The following PCDH9 variants were observed in gnomAD, a reference collection of about 807,000 sequenced individuals.
The protein encoded by PCDH9 is protocadherin 9, also known as protocadherin-9.
Under a neutral mutation model 70.6 loss-of-function variants are expected in PCDH9, and 24 were observed. That is an observed-to-expected ratio of 0.34 (90% CI 0.25 to 0.48). The LOEUF (loss-of-function observed/expected upper bound fraction) is 0.48, where lower values mean the gene tolerates loss of function less well. PCDH9 is among the 20% of genes least tolerant of loss of function. The probability of loss-of-function intolerance (pLI) is 0.99; values close to 1 mark genes in which losing one functional copy is unlikely to be tolerated. For missense variants in PCDH9, 1,281 were observed against 1,503.6 expected (o/e 0.85, Z 2.45); for synonymous variants, 562 against 558.5 (o/e 1.01, Z -0.09).
intron 2 of PCDH9, among the ~76,000 whole-genome samples, chr13:67,179,220 G>T (rs1487571291): frequency 6.6e-6 from 1 of 152,054 alleles, no homozygotes; most frequent in Non-Finnish European, 1.5e-5. Flanking sequence ...GTTTAGAGAG[G>T]TCACCTAGTT....
At chr13:66,846,825 A>G (rs931697042) in intron 3 of PCDH9, among the ~76,000 whole-genome samples, 1 of 151,954 alleles carries the variant, frequency 6.6e-6, no homozygotes, top group Non-Finnish European at 1.5e-5. Context: ...AAAACTTGCT[A>G]TGAAAGAGAA....
intron 2 of PCDH9, among the ~76,000 whole-genome samples, chr13:67,136,335 C>G (rs2087231823): frequency 6.6e-6 from 1 of 152,100 alleles, no homozygotes; most frequent in African/African-American, 2.4e-5. Context: ...ACAAAATTGC[C>G]TAACAACACA....
intron 2 of PCDH9, among the ~76,000 whole-genome samples, chr13:66,963,296 G>T (rs919951723): frequency 6.6e-6 from 1 of 152,136 alleles, no homozygotes; most frequent in Non-Finnish European, 1.5e-5. Context: ...ACAGATCACT[G>T]AAAAATTATA....
At chr13:66,994,890 C>T (rs898136253) in intron 2 of PCDH9, among the ~76,000 whole-genome samples, 5 of 152,156 alleles carry the variant, frequency 3.3e-5, no homozygotes, top group Non-Finnish European at 7.3e-5. Flanking sequence ...TTAATTTGTG[C>T]ATTCATCTTT....
At chr13:67,200,789 G>C (rs1052122505) in intron 2 of PCDH9, among the ~76,000 whole-genome samples, 2 of 151,942 alleles carry the variant, frequency 1.3e-5, no homozygotes, top group Admixed American at 1.3e-4. Context: ...GAGTGAGGGG[G>C]GAAGCCCAGC....
chr13:66,578,452 G>C (rs1200133929), intron 4 of PCDH9, among the ~76,000 whole-genome samples: 1 of 151,882 alleles, frequency 6.6e-6, no homozygotes, highest in Non-Finnish European at 1.5e-5. Flanking sequence ...TGAAATACTT[G>C]TAGTCAGCCT....
At chr13:66,991,463 TGA>T (rs1479110992) in intron 2 of PCDH9, among the ~76,000 whole-genome samples, 1 of 152,032 alleles carries the variant, frequency 6.6e-6, no homozygotes, top group Admixed American at 6.6e-5. Context: ...TAAAGAATCA[TGA>T]GAGATCTCAA....
At chr13:66,505,098 A>G (rs1447813515) in intron 4 of PCDH9, among the ~76,000 whole-genome samples, 2 of 152,020 alleles carry the variant, frequency 1.3e-5, no homozygotes, top group Non-Finnish European at 1.5e-5. Flanking sequence ...AATTTATTTC[A>G]TTTCTCTAGG....
At chr13:66,393,107 A>C (rs1957046574) in intron 4 of PCDH9, among the ~76,000 whole-genome samples, 1 of 152,158 alleles carries the variant, frequency 6.6e-6, no homozygotes, top group African/African-American at 2.4e-5. Context: ...TCTAGACTTC[A>C]CTGTTCTAAG....
intron 4 of PCDH9, among the ~76,000 whole-genome samples, chr13:66,366,842 C>G (rs992467582): frequency 6.6e-6 from 1 of 151,954 alleles, no homozygotes; most frequent in African/African-American, 2.4e-5. Context: ...ACTTAAATTA[C>G]CCTGGTTCAC....
chr13:66,922,336 T>A (rs1187907807), intron 2 of PCDH9, among the ~76,000 whole-genome samples: 1 of 151,448 alleles, frequency 6.6e-6, no homozygotes, highest in Non-Finnish European at 1.5e-5. Flanking sequence ...TTATTTCTTC[T>A]TCAATACCAG....
At chr13:67,035,079 T>C (rs903921778) in intron 2 of PCDH9, among the ~76,000 whole-genome samples, 5 of 152,128 alleles carry the variant, frequency 3.3e-5, no homozygotes, top group Admixed American at 2.0e-4. Context: ...AGGATTCAAT[T>C]GTTATCAAAT....
chr13:66,934,964 C>T (rs2082891388), intron 2 of PCDH9, among the ~76,000 whole-genome samples: 1 of 151,658 alleles, frequency 6.6e-6, no homozygotes, highest in South Asian at 2.1e-4. Context: ...TCGTGATCCG[C>T]CCGCCTCGGC....
At chr13:66,726,075 A>G (rs2079001638) in intron 3 of PCDH9, among the ~76,000 whole-genome samples, 1 of 152,182 alleles carries the variant, frequency 6.6e-6, no homozygotes, top group African/African-American at 2.4e-5. Context: ...TTGCCAATCT[A>G]TTTCTATTTT....
chr13:66,895,260 C>G (rs1469534332), intron 3 of PCDH9, among the ~76,000 whole-genome samples: 2 of 152,118 alleles, frequency 1.3e-5, no homozygotes, highest in Non-Finnish European at 2.9e-5. Flanking sequence ...CATTAGATTT[C>G]CAGTTTATGT....
chr13:67,074,074 G>A (rs865970475), intron 2 of PCDH9, among the ~76,000 whole-genome samples: 129 of 136,474 alleles, frequency 9.5e-4, no homozygotes, highest in Middle Eastern at 4.1e-3. Flanking sequence ...CTATCTATCT[G>A]TTTATTATCT....
chr13:66,890,609 C>T (rs747166582), intron 3 of PCDH9, among the ~76,000 whole-genome samples: 1 of 151,946 alleles, frequency 6.6e-6, no homozygotes, highest in African/African-American at 2.4e-5. Context: ...ATGAATTCAT[C>T]AAGAAAGATA....
chr13:66,557,414 C>A (rs959788661), intron 4 of PCDH9, among the ~76,000 whole-genome samples: 3 of 152,092 alleles, frequency 2.0e-5, no homozygotes, highest in Admixed American at 1.3e-4. Context: ...TAAGCGTAGT[C>A]TATTTTACAA....
intron 2 of PCDH9, among the ~76,000 whole-genome samples, chr13:67,019,306 G>A (rs536180514): frequency 1.4e-5 from 2 of 146,848 alleles, no homozygotes; most frequent in South Asian, 4.4e-4. Context: ...CCATTCTCCT[G>A]CCTCAGCCTC....
Sources: allele counts gnomAD v4.1 joint callset (sites outside exome capture counted in the v4.1 genomes callset), GRCh38; gene constraint gnomAD v4.1.1; transcripts MANE v1.5; gene names NCBI Gene and HGNC (gene_info 2026-07-23, HGNC 2026-07-21).